CMSS1: variants seen among roughly 807,000 people sequenced by gnomAD.
CMSS1 encodes the protein protein CMSS1.
CMSS1 carries 33 observed loss-of-function variants against 43.5 expected under a neutral mutation model. The ratio of observed to expected loss-of-function variants is 0.76; its 90% CI spans 0.57 to 1.01. The LOEUF is 1.01. Ranked by LOEUF, CMSS1 falls within the 50% of genes least tolerant of loss-of-function variation. The pLI, the probability that CMSS1 is intolerant of heterozygous loss-of-function variation, is 0.00. For missense variants in CMSS1, 313 were observed against 326.4 expected, an observed-to-expected ratio of 0.96 and a Z score of 0.32; for synonymous variants, 115 against 117.2, an observed-to-expected ratio of 0.98 and a Z score of 0.12.
intron 1 of CMSS1, among the ~76,000 whole-genome samples, chr3:99,976,004 C>T (rs1202474168): frequency 6.6e-6 from 1 of 152,162 alleles, no homozygotes; most frequent in East Asian, 1.9e-4. Context: ...CCTGCCTCAG[C>T]CTCCCAAGTA....
chr3:99,851,626 CTG>C lies in CMSS1; in HGVS notation c.64+33585_64+33586del, dbSNP rs575070022. Among the ~76,000 whole-genome samples, 597 of 152,282 alleles carry C rather than the reference CTG, an allele frequency of 3.9e-3. 1 individual carries two copies. The highest frequency in any genetic ancestry group is 7.1e-3 in the Non-Finnish European group (482 of 68,024). On this transcript the variant is annotated intron_variant, in intron 1 of 9. Coordinates refer to ENST00000421999, the MANE Select transcript of CMSS1 (RefSeq NM_032359.4). ...AAGCATTTGGTATTAGTTGTTGCTG[CTG>C]TCTTTATTAATATGGTTATTATATT...
At position 100,172,312 on chromosome 3, in the gene CMSS1, A is replaced by G. The variant is rs1403323374; in HGVS notation, c.580-4A>G. On this transcript the variant is annotated splice_polypyrimidine_tract_variant and splice_region_variant and intron_variant, in intron 7 of 9. Transcript: ENST00000421999. ...TTTCTTTCTTCTCTTTCATCTTGGAACAGGTCCAGGCGCAGGTAAAGTTGC... is the reference window on the plus strand; with the variant it reads ...TTTCTTTCTTCTCTTTCATCTTGGAGCAGGTCCAGGCGCAGGTAAAGTTGC... 6.2e-7 allele frequency: 1 copy of G among 1,613,030 alleles called. No homozygotes were observed. The highest frequency in any genetic ancestry group is 8.5e-7 in the Non-Finnish European group (1 of 1,179,394).
At chr3:99,983,751 G>C (rs1006740185) in intron 1 of CMSS1, among the ~76,000 whole-genome samples, 1 of 150,442 alleles carries the variant, frequency 6.6e-6, no homozygotes. Flanking sequence ...GTTTCCAACT[G>C]TTCAGACCCC....
At chr3:99,933,415 G>A (rs897336952) in intron 1 of CMSS1, among the ~76,000 whole-genome samples, 4 of 152,130 alleles carry the variant, frequency 2.6e-5, no homozygotes, top group Admixed American at 6.5e-5. Context: ...GGTTGGGGAT[G>A]TGTAAGAGAT....
chr3:99,948,796 A>G (rs1708092332), intron 1 of CMSS1, among the ~76,000 whole-genome samples: 1 of 151,954 alleles, frequency 6.6e-6, no homozygotes, highest in South Asian at 2.1e-4. Flanking sequence ...AGAAAAAGAG[A>G]AGAAAGAAGA....
intron 1 of CMSS1, among the ~76,000 whole-genome samples, chr3:100,038,203 G>A (rs1461341347): frequency 2.0e-5 from 3 of 152,082 alleles, no homozygotes; most frequent in Non-Finnish European, 4.4e-5. Flanking sequence ...TGATCCAGCT[G>A]CCCTGGCCTC....
intron 1 of CMSS1, among the ~76,000 whole-genome samples, chr3:99,904,510 G>A (rs1359480624): frequency 6.6e-6 from 1 of 152,172 alleles, no homozygotes; most frequent in Non-Finnish European, 1.5e-5. Flanking sequence ...CCATTAAAAT[G>A]AGGTCAAAGA....
At chr3:99,996,766 C>A (rs1434343299) in intron 1 of CMSS1, among the ~76,000 whole-genome samples, 1 of 151,884 alleles carries the variant, frequency 6.6e-6, no homozygotes. Context: ...TTACTCACTA[C>A]CATGAGAACA....
intron 1 of CMSS1, among the ~76,000 whole-genome samples, chr3:99,919,282 C>CGGCACCA (rs1467039059): frequency 6.6e-6 from 1 of 151,568 alleles, no homozygotes; most frequent in African/African-American, 2.4e-5. Flanking sequence ...TTTTTTTCTA[C>CGGCACCA]CCGTCATGAA....
At chr3:100,020,506 G>A (rs1014549490) in intron 1 of CMSS1, among the ~76,000 whole-genome samples, 1 of 152,278 alleles carries the variant, frequency 6.6e-6, no homozygotes, top group Admixed American at 6.5e-5. Context: ...AAGGCCTCAG[G>A]TAGGGCTTGC....
intron 1 of CMSS1, among the ~76,000 whole-genome samples, chr3:100,126,859 G>A (rs893840687): frequency 1.3e-5 from 2 of 152,146 alleles, no homozygotes; most frequent in African/African-American, 2.4e-5. Context: ...TTAGCCAGGC[G>A]TGGTGGCGGG....
chr3:100,128,783 TTCAC>T (rs755115305), intron 1 of CMSS1, among the ~76,000 whole-genome samples: 1 of 152,248 alleles, frequency 6.6e-6, no homozygotes, highest in Non-Finnish European at 1.5e-5. Flanking sequence ...ATCTGCTCCT[TTCAC>T]TCAGTAATGC....
intron 2 of CMSS1, among the ~76,000 whole-genome samples, chr3:100,149,745 G>A (rs111370467): frequency 6.6e-6 from 1 of 152,274 alleles, no homozygotes; most frequent in East Asian, 1.9e-4. Context: ...CGTCTCCACA[G>A]CGCCTGACAT....
intron 1 of CMSS1, among the ~76,000 whole-genome samples, chr3:99,958,681 C>G (rs1257737432): frequency 6.6e-6 from 1 of 152,112 alleles, no homozygotes; most frequent in Admixed American, 6.6e-5. Context: ...GGGGGCAGAG[C>G]AGGCAGTGTG....
At chr3:99,832,141 T>G (rs1282251368) in intron 1 of CMSS1, among the ~76,000 whole-genome samples, 1 of 152,240 alleles carries the variant, frequency 6.6e-6, no homozygotes, top group Non-Finnish European at 1.5e-5. Context: ...GTTTTCTAGG[T>G]AACTCCATTT....
chr3:99,974,684 G>A (rs1200677899), intron 1 of CMSS1, among the ~76,000 whole-genome samples: 1 of 152,100 alleles, frequency 6.6e-6, no homozygotes, highest in Non-Finnish European at 1.5e-5. Context: ...TCCAGCCTGA[G>A]TAACAAGAGC....
rs992235840 is a variant in CMSS1, at chr3:99,849,256, T to C, written c.64+31213T>C. The C allele has an allele frequency of 9.9e-6, 16 of 1,614,082 alleles. No individual in the cohort carries two copies. Among genetic ancestry groups the C allele is most frequent in the Admixed American group, 1.7e-5 (1 of 60,008 alleles). ...GAGGCTCTTGTAATCAGGTGGTTCATTGTCTACTGCTTCTGTCTGAACTTC... is the reference window on the plus strand; with the variant it reads ...GAGGCTCTTGTAATCAGGTGGTTCACTGTCTACTGCTTCTGTCTGAACTTC... On this transcript the variant is annotated intron_variant, in intron 1 of 9. Transcript: ENST00000421999.
intron 1 of CMSS1, among the ~76,000 whole-genome samples, chr3:99,936,961 G>C (rs1308268018): frequency 6.6e-6 from 1 of 151,954 alleles, no homozygotes; most frequent in African/African-American, 2.4e-5. Context: ...TTTTGAGACG[G>C]AGTTTTGCTC....
At chr3:100,154,531 G>C (rs2066954053) in intron 2 of CMSS1, among the ~76,000 whole-genome samples, 1 of 152,138 alleles carries the variant, frequency 6.6e-6, no homozygotes, top group African/African-American at 2.4e-5. Context: ...TGGTGAGTGT[G>C]TATTGAATAA....
Sources: allele counts gnomAD v4.1 joint callset (sites outside exome capture counted in the v4.1 genomes callset), GRCh38; gene constraint gnomAD v4.1.1; transcripts MANE v1.5; gene names NCBI Gene and HGNC (gene_info 2026-07-23, HGNC 2026-07-21).